Variants in PNLDC1 observed in about 807,000 individuals in gnomAD.
PNLDC1 encodes the protein PARN like ribonuclease domain containing exonuclease 1.
Under a neutral mutation model 82.0 loss-of-function variants are expected in PNLDC1, and 70 were observed. That is an observed-to-expected ratio of 0.85 (90% CI 0.70 to 1.04). The LOEUF is 1.04. Ranked by LOEUF, PNLDC1 falls within the 50% of genes least tolerant of loss-of-function variation. The pLI, the probability that PNLDC1 is intolerant of heterozygous loss-of-function variation, is 0.00. For missense variants in PNLDC1, 631 were observed against 661.1 expected (o/e 0.95, Z 0.50); for synonymous variants, 280 against 249.3 (o/e 1.12, Z -1.16).
chr6:159,806,136 A>C, intron 7 of PNLDC1, 53 bp downstream of exon 7: 1 of 1,387,422 alleles, frequency 7.2e-7, no homozygotes, highest in African/African-American at 1.4e-5. Flanking sequence ...GGTCACTGTC[A>C]CCTGCCAGGA....
intron 18 of PNLDC1, among the ~76,000 whole-genome samples, chr6:159,820,189 G>A (rs1447050564): frequency 6.6e-6 from 1 of 152,208 alleles, no homozygotes; most frequent in African/African-American, 2.4e-5. Context: ...TCTGGCTTGC[G>A]GGTTAGGGGC....
At chr6:159,816,468 T>C in intron 13 of PNLDC1, 75 bp from the exon 14 acceptor site, 1 of 1,363,500 alleles carries the variant, frequency 7.3e-7, no homozygotes, top group Non-Finnish European at 1.0e-6. Flanking sequence ...GCAGCCACTG[T>C]GGATGGTGAG....
intron 9 of PNLDC1, 29 bp downstream of exon 9, chr6:159,809,187 T>C (rs1473092372): frequency 1.2e-6 from 2 of 1,609,402 alleles, no homozygotes; most frequent in Non-Finnish European, 1.7e-6. Flanking sequence ...TTTCTTGGCC[T>C]AAAGGCAGTC....
chr6:159,816,630 CTTTTTTT>C, intron 14 of PNLDC1, 34 bp downstream of exon 14: 4 of 1,309,180 alleles, frequency 3.1e-6, no homozygotes, highest in Non-Finnish European at 4.3e-6. Context: ...AGGAAACTCA[CTTTTTTT>C]TTTTTTTTTT....
At chr6:159,809,451 ATTTTTTTT>A (rs71904720) in intron 9 of PNLDC1, among the ~76,000 whole-genome samples, 165 of 138,694 alleles carry the variant, frequency 1.2e-3, no homozygotes, top group Non-Finnish European at 1.6e-3. Flanking sequence ...TACCTGGCTA[ATTTTTTTT>A]TTTTTTTTTT....
intron 3 of PNLDC1, among the ~76,000 whole-genome samples, chr6:159,802,376 C>T (rs1781291597): frequency 6.6e-6 from 1 of 151,858 alleles, no homozygotes; most frequent in Non-Finnish European, 1.5e-5. Flanking sequence ...GTCTCAGCTT[C>T]TGAAGTAGCT....
chr6:159,813,928 C>T (rs1373007918), intron 12 of PNLDC1, among the ~76,000 whole-genome samples: 2 of 152,146 alleles, frequency 1.3e-5, no homozygotes, highest in African/African-American at 4.8e-5. Flanking sequence ...CATTGTCTCG[C>T]CCCTGTCACC....
chr6:159,808,790 A>T lies in PNLDC1; in HGVS notation c.613A>T (p.Ile205Phe), dbSNP rs752761721. 8.7e-6 allele frequency: 14 copies of T among 1,614,102 alleles called. No individual in the cohort carries two copies. The highest frequency in any genetic ancestry group is 8.5e-7 in the Non-Finnish European group (1 of 1,179,990). ...GGTGCTGAGGCAGGCCCTCCCCAAC[A>T]TCTGGACGGTGCTGAAAGATGAGGG... ...QLVLRQALPN[I>F]WTVLKDEGVV... Residue 205 changes from isoleucine (I) to phenylalanine (F), a missense_variant, in exon 8 of 19, where the codon ATC becomes TTC. Ile to Phe is a conservative substitution (Grantham distance 21). Transcript: ENST00000392167.
chr6:159,809,990 T>G, intron 9 of PNLDC1, 36 bp from the exon 10 acceptor site: 1 of 1,563,006 alleles, frequency 6.4e-7, no homozygotes, highest in Non-Finnish European at 8.8e-7. Context: ...ATTACATTTT[T>G]TTATTTTCTC....
intron 1 of PNLDC1, 131 bp downstream of exon 1, chr6:159,800,514 C>A: frequency 7.7e-7 from 1 of 1,302,802 alleles, no homozygotes; most frequent in Non-Finnish European, 1.0e-6. Flanking sequence ...AGGGGGGCTT[C>A]CTTCTCCAGC....
At position 159,800,809 on chromosome 6, in the gene PNLDC1, G is replaced by A. The variant is rs1430382661; in HGVS notation, c.114G>A (p.Leu38=). The change falls in exon 2 of 19, where the codon CTG becomes CTA. Residue 38 remains leucine, a synonymous_variant. Transcript: ENST00000392167. The part of the protein sequence containing the change: ...DIEFTGLRSN[L]SGPQQISLFD... ...AGTTCACGGGCCTTCGTTCTAACCT[G>A]TCTGGGCCCCAGCAGATCAGGTAAA... 6.2e-7 allele frequency: 1 copy of A among 1,614,094 alleles called. No homozygotes were observed. Among genetic ancestry groups the A allele is most frequent in the South Asian group, 1.1e-5 (1 of 91,090 alleles).
chr6:159,819,781 G>A lies in PNLDC1; in HGVS notation c.1532+429G>A, dbSNP rs894373587. Reference sequence around the variant, plus strand: ...AGCCAGGCGGAGGGGGCAGCAGGACGGAGCCTTCCAGTCAGGAGGTGCCCG... The same window carrying A: ...AGCCAGGCGGAGGGGGCAGCAGGACAGAGCCTTCCAGTCAGGAGGTGCCCG... On this transcript the variant is annotated intron_variant, in intron 18 of 18. Transcript: ENST00000392167. The surrounding 1 kb of genome is among the most constrained non-coding windows in gnomAD (Gnocchi z 4.6). Among the ~76,000 whole-genome samples, 2 of 152,232 alleles carry A rather than the reference G, an allele frequency of 1.3e-5. No homozygotes were observed. Among genetic ancestry groups the A allele is most frequent in the South Asian group, 4.1e-4 (2 of 4,822 alleles).
At position 159,819,175 on chromosome 6, in the gene PNLDC1, T is replaced by A; in HGVS notation, c.1433+54T>A. 1.2e-6 allele frequency: 2 copies of A among 1,610,068 alleles called. No homozygotes were observed. Among genetic ancestry groups the A allele is most frequent in the Non-Finnish European group, 8.5e-7 (1 of 1,177,184 alleles). On this transcript the variant is annotated intron_variant, in intron 17 of 18. Transcript: ENST00000392167. The surrounding 1 kb of genome is among the most constrained non-coding windows in gnomAD (Gnocchi z 4.6). The stretch of plus-strand genomic sequence containing the variant: ...CCCCTCGTGCGTTCATCCCTGTATC[T>A]CTCTGACTCCACCCGCCTGATCACA...
chr6:159,808,529 T>TTA (rs1554273214), intron 7 of PNLDC1, among the ~76,000 whole-genome samples: 31 of 127,374 alleles, frequency 2.4e-4, no homozygotes, highest in Admixed American at 7.7e-4. Context: ...GGCCCTGAGA[T>TTA]AAAAAAAAAA....
At chr6:159,803,139 A>C in intron 3 of PNLDC1, 132 bp from the exon 4 acceptor site, 1 of 660,038 alleles carries the variant, frequency 1.5e-6, no homozygotes, top group Non-Finnish European at 2.6e-6. Context: ...TTTGTCATTA[A>C]AGATGTTATC....
At position 159,817,093 on chromosome 6, in the gene PNLDC1, C is replaced by T; in HGVS notation, c.1115-16C>T. On this transcript the variant is annotated splice_polypyrimidine_tract_variant and intron_variant, in intron 14 of 18. Transcript: ENST00000392167. ...TTGATAAGCTCTATTGCATTTCTGT[C>T]TTTTTTCCTTCCTAGTTCTTTTGAA... 2 of 1,608,610 alleles carry T rather than the reference C, an allele frequency of 1.2e-6. No homozygotes were observed. Among genetic ancestry groups the T allele is most frequent in the Non-Finnish European group, 1.7e-6 (2 of 1,175,404 alleles).
In PNLDC1 at chr6:159,819,232, C is replaced by T; in HGVS notation, c.1434-22C>T. The T allele has an allele frequency of 6.2e-7, 1 of 1,613,364 alleles. No individual in the cohort carries two copies. Among genetic ancestry groups the T allele is most frequent in the Non-Finnish European group, 8.5e-7 (1 of 1,179,760 alleles). ...GGCGCCATCCTGCTGCCTGGCTGAC[C>T]ACAGCAAACTTGTTTTGGCAGTGCG... On this transcript the variant is annotated intron_variant, in intron 17 of 18. Transcript: ENST00000392167. The surrounding 1 kb of genome is among the most constrained non-coding windows in gnomAD (Gnocchi z 4.6).
chr6:159,804,515 CTTGTTCTGTTTG>C lies in PNLDC1; in HGVS notation c.373-22_373-11del, dbSNP rs771145366. On this transcript the variant is annotated intron_variant, in intron 5 of 18. Coordinates refer to ENST00000392167, the MANE Select transcript of PNLDC1 (RefSeq NM_001271862.2). ...ACAGAGGATCCCTCTGACTTGTCTCCTTGTTCTGTTTGTTGTTCTGTTTCTGTCTTAAGTTTC... is the reference window on the plus strand; with the variant it reads ...ACAGAGGATCCCTCTGACTTGTCTCCTTGTTCTGTTTCTGTCTTAAGTTTC... 1.4e-4 allele frequency: 197 copies of C among 1,442,756 alleles called. 2 individuals carry two copies. The East Asian group carries it at 3.1e-3, about 23-fold the overall frequency. The allele number at this position is 1,442,756 out of a possible 1,614,324, so 89.4% of individuals were successfully genotyped here.
chr6:159,805,041 G>T (rs1018066577), intron 6 of PNLDC1, among the ~76,000 whole-genome samples: 1 of 152,220 alleles, frequency 6.6e-6, no homozygotes, highest in Non-Finnish European at 1.5e-5. Flanking sequence ...TATCTCTCGG[G>T]CAACCTTGAC....
Sources: allele counts gnomAD v4.1 joint callset (sites outside exome capture counted in the v4.1 genomes callset), GRCh38; gene constraint gnomAD v4.1.1; non-coding constraint Gnocchi (gnomAD v3.1); transcripts MANE v1.5; gene names NCBI Gene and HGNC (gene_info 2026-07-23, HGNC 2026-07-21).